Variants in RBM19 observed in about 807,000 individuals in gnomAD.
The protein encoded by RBM19 is RNA binding motif protein 19.
RBM19 carries 94 observed loss-of-function variants against 116.8 expected under a neutral mutation model. The ratio of observed to expected loss-of-function variants is 0.80; its 90% CI spans 0.68 to 0.95. The LOEUF is 0.95. Among genes scored for constraint, RBM19 ranks in the 40% least tolerant of loss-of-function variants. RBM19 has a pLI of 0.00. For synonymous variants in RBM19, 475 were observed against 494.1 expected, an observed-to-expected ratio of 0.96 and a Z score of 0.51; for missense variants, 1,161 against 1,220.7, an observed-to-expected ratio of 0.95 and a Z score of 0.73.
chr12:113,856,893 GA>G (rs1250097344), intron 22 of RBM19, among the ~76,000 whole-genome samples: 2 of 152,194 alleles, frequency 1.3e-5, no homozygotes, highest in East Asian at 1.9e-4. Flanking sequence ...TTTACGAGGG[GA>G]GGAAACTGAG....
intron 21 of RBM19, among the ~76,000 whole-genome samples, chr12:113,894,292 T>C (rs1881168095): frequency 6.6e-6 from 1 of 152,188 alleles, no homozygotes. Context: ...ATTCAAAAAA[T>C]AAGTTTGTGC....
In RBM19 at chr12:113,955,227, A is replaced by C; in HGVS notation, c.841-16T>G. ...GTTTCTCTGTCTGAGTGATCACAAA[A>C]ACAAACAGAAGTGGCCACACTAACC... On this transcript the variant is annotated splice_polypyrimidine_tract_variant and intron_variant, in intron 6 of 23. Transcript: ENST00000261741. 1 of 1,611,832 alleles carries C rather than the reference A, an allele frequency of 6.2e-7. No individual in the cohort carries two copies. The highest frequency in any genetic ancestry group is 8.5e-7 in the Non-Finnish European group (1 of 1,178,010).
chr12:113,946,109 C>T (rs1870998685), intron 12 of RBM19, among the ~76,000 whole-genome samples, 185 bp from the exon 13 acceptor site: 1 of 152,240 alleles, frequency 6.6e-6, no homozygotes, highest in Non-Finnish European at 1.5e-5. Flanking sequence ...GGAACCATCC[C>T]TAACAGTGCT....
chr12:113,926,230 T>C (rs948028233), intron 17 of RBM19, among the ~76,000 whole-genome samples: 1 of 152,194 alleles, frequency 6.6e-6, no homozygotes, highest in Admixed American at 6.5e-5. Context: ...GTGGACACTG[T>C]CTTCTCTCTT....
intron 23 of RBM19, among the ~76,000 whole-genome samples, chr12:113,841,422 C>CTTTT (rs71089416): frequency 6.2e-5 from 8 of 130,002 alleles, no homozygotes; most frequent in Non-Finnish European, 8.2e-5. Flanking sequence ...TTTTTCTTTT[C>CTTTT]TTTTTTTTTT....
At chr12:113,829,050 T>C in intron 23 of RBM19, among the ~76,000 whole-genome samples, 1 of 151,710 alleles carries the variant, frequency 6.6e-6, no homozygotes, top group South Asian at 2.1e-4. Flanking sequence ...CCCAGGTGAG[T>C]GCAGTGGAGC....
At chr12:113,840,195 G>A (rs181841239) in intron 23 of RBM19, among the ~76,000 whole-genome samples, 1 of 152,178 alleles carries the variant, frequency 6.6e-6, no homozygotes, top group East Asian at 1.9e-4. Flanking sequence ...GTTTTCAAGG[G>A]ATTATCATGT....
At chr12:113,921,564 T>C (rs1276421729) in intron 18 of RBM19, among the ~76,000 whole-genome samples, 1 of 152,218 alleles carries the variant, frequency 6.6e-6, no homozygotes, top group African/African-American at 2.4e-5. Flanking sequence ...GTGAGACCTA[T>C]GCTCCTGCCT....
chr12:113,942,677 A>G (rs1870684454), intron 13 of RBM19, among the ~76,000 whole-genome samples: 1 of 147,802 alleles, frequency 6.8e-6, no homozygotes, highest in Non-Finnish European at 1.5e-5. Flanking sequence ...TGGTGTGATC[A>G]TGGCTCACTG....
chr12:113,927,123 CTCT>C lies in RBM19; in HGVS notation c.2172_2174del (p.Glu725del), dbSNP rs758193968. The C allele has an allele frequency of 1.5e-5, 25 of 1,613,012 alleles. No individual in the cohort carries two copies. The highest frequency in any genetic ancestry group is 5.5e-5 in the South Asian group (5 of 91,002). ...TAAACAGAGTACATCCTGGGAGGCT[CTCT>C]TCTTCTTCTTCCTCTTCCTCCTCCT... On this transcript the variant is annotated inframe_deletion, in exon 17 of 24. Coordinates refer to ENST00000261741, the MANE Select transcript of RBM19 (RefSeq NM_016196.4).
intron 16 of RBM19, among the ~76,000 whole-genome samples, chr12:113,929,716 C>T (rs1405346959): frequency 6.6e-6 from 1 of 152,238 alleles, no homozygotes; most frequent in East Asian, 1.9e-4. Flanking sequence ...AAGGAAAGAA[C>T]ACTGATGAGA....
intron 15 of RBM19, among the ~76,000 whole-genome samples, chr12:113,939,548 G>A (rs113721884): frequency 7.0e-6 from 1 of 142,780 alleles, no homozygotes; most frequent in African/African-American, 2.8e-5. Flanking sequence ...AGGAGATCGA[G>A]ACCATCCTGG....
chr12:113,918,401 C>G lies in RBM19; in HGVS notation c.2432G>C (p.Arg811Pro), dbSNP rs200569958. The G allele has an allele frequency of 3.1e-6, 5 of 1,613,752 alleles. No individual in the cohort carries two copies. Among genetic ancestry groups the G allele is most frequent in the East Asian group, 4.5e-5 (2 of 44,856 alleles). Reference protein sequence around the residue: ...GHKLEVRISERATKPAVTLAR... With the variant: ...GHKLEVRISEPATKPAVTLAR... ...GACACTGAAGACTCACTTAGTGGCT[C>G]GTTCCGAGATCCTCACTTCCAGCTT... The change falls in exon 20 of 24, where the codon CGA becomes CCA. Residue 811 changes from arginine (R) to proline (P), a missense_variant. Physicochemically the swap from Arg to Pro is moderately radical, Grantham distance 103. Coordinates refer to ENST00000261741, the MANE Select transcript of RBM19 (RefSeq NM_016196.4).
chr12:113,955,022 C>T, intron 7 of RBM19, 109 bp downstream of exon 7: 1 of 1,080,500 alleles, frequency 9.3e-7, no homozygotes, highest in Non-Finnish European at 1.4e-6. Flanking sequence ...CCTTCCAGCT[C>T]ATGTCCTCAA....
At chr12:113,823,406 G>C in intron 23 of RBM19, 85 bp from the exon 24 acceptor site, 1 of 1,147,690 alleles carries the variant, frequency 8.7e-7, no homozygotes, top group South Asian at 1.3e-5. Flanking sequence ...AGAGGAAGGA[G>C]GGAGAGGGGA....
At chr12:113,857,976 G>T (rs566418477) in intron 22 of RBM19, among the ~76,000 whole-genome samples, 1 of 152,394 alleles carries the variant, frequency 6.6e-6, no homozygotes, top group South Asian at 2.1e-4. Context: ...GAGGAATAGT[G>T]AGGCTGAGAG....
intron 18 of RBM19, among the ~76,000 whole-genome samples, chr12:113,921,399 C>T (rs1204120205): frequency 2.6e-5 from 4 of 152,070 alleles, no homozygotes; most frequent in African/African-American, 9.7e-5. Flanking sequence ...CCACCTTCCA[C>T]CCACACCCCA....
At chr12:113,957,087 G>C (rs548039677) in intron 6 of RBM19, among the ~76,000 whole-genome samples, 1 of 152,178 alleles carries the variant, frequency 6.6e-6, no homozygotes, top group South Asian at 2.1e-4. Flanking sequence ...TGTGTTGACC[G>C]GGGCTGCTCC....
rs1871565855 is a variant in RBM19, at chr12:113,952,581, TA to T, written c.930del (p.Met311TrpfsTer7). ...GGTTTCAGGGGTGCCAGGAATTCCA[TA>T]ACATTTTTCTGTGAGAAGAAGTTTT... The part of the protein sequence containing the change: ...GAPFNVTEKN[V>X]MEFLAPLKPV... On this transcript the variant is annotated frameshift_variant, in exon 8 of 24. Coordinates refer to ENST00000261741, the MANE Select transcript of RBM19 (RefSeq NM_016196.4). LOFTEE classifies it high-confidence loss of function. 1.2e-6 allele frequency: 2 copies of T among 1,613,850 alleles called. No individual in the cohort carries two copies.
Sources: gnomAD v4.1 joint callset for allele counts (sites outside exome capture counted in the v4.1 genomes callset) on GRCh38, gnomAD v4.1.1 for gene constraint, MANE v1.5 for transcripts, NCBI Gene and HGNC (gene_info 2026-07-23, HGNC 2026-07-21) for gene names.